KALRN: variants seen among roughly 807,000 people sequenced by gnomAD.
KALRN encodes the protein kalirin.
KALRN carries 70 observed loss-of-function variants against 353.7 expected under a neutral mutation model. The ratio of observed to expected loss-of-function variants is 0.20; its 90% CI spans 0.16 to 0.24. The LOEUF (loss-of-function observed/expected upper bound fraction) is 0.24, where lower values mean the gene tolerates loss of function less well. Among genes scored for constraint, KALRN ranks in the 10% least tolerant of loss-of-function variants. KALRN has a pLI of 1.00. For synonymous variants in KALRN, 1,391 were observed against 1,434.8 expected, an observed-to-expected ratio of 0.97 and a Z score of 0.69; for missense variants, 2,791 against 3,756.7, an observed-to-expected ratio of 0.74 and a Z score of 6.72.
chr3:124,268,887 C>T lies in KALRN; in HGVS notation c.601C>T (p.His201Tyr). 2 of 1,614,148 alleles carry T rather than the reference C, an allele frequency of 1.2e-6. No homozygotes were observed. Among genetic ancestry groups the T allele is most frequent in the Non-Finnish European group, 8.5e-7 (1 of 1,180,016 alleles). ...GGAGGAGTTCTTCAACAGCGCCGTGCACCTGCTCTCGCGCCTCGAGGACCT... is the reference window on the plus strand; with the variant it reads ...GGAGGAGTTCTTCAACAGCGCCGTGTACCTGCTCTCGCGCCTCGAGGACCT... Reference protein sequence around the residue: ...SLEEFFNSAVHLLSRLEDLQE... With the variant: ...SLEEFFNSAVYLLSRLEDLQE... Residue 201 changes from histidine (H) to tyrosine (Y), a missense_variant, in exon 5 of 60, where the codon CAC (histidine) becomes TAC (tyrosine). This residue lies in a region of KALRN where 366 missense variants were observed against 489.2 expected (regional missense o/e 0.75). Coordinates refer to ENST00000682506, the MANE Select transcript of KALRN (RefSeq NM_001388419.1).
chr3:124,585,196 C>T (rs1016197212), intron 34 of KALRN, among the ~76,000 whole-genome samples: 30 of 152,172 alleles, frequency 2.0e-4, no homozygotes, highest in Admixed American at 3.3e-4. Context: ...CGCCAGCCTG[C>T]TAGGGAGTGG....
intron 10 of KALRN, among the ~76,000 whole-genome samples, chr3:124,369,332 A>G (rs1407466486): frequency 6.6e-6 from 1 of 152,160 alleles, no homozygotes; most frequent in Non-Finnish European, 1.5e-5. Flanking sequence ...AGTCTTGTTT[A>G]TTGTAATAAC....
intron 21 of KALRN, among the ~76,000 whole-genome samples, chr3:124,453,241 G>A (rs562082102): frequency 9.2e-5 from 14 of 151,876 alleles, no homozygotes; most frequent in South Asian, 2.1e-4. Context: ...GAGATGTTTC[G>A]GCTATCCTCA....
intron 1 of KALRN, among the ~76,000 whole-genome samples, chr3:124,132,078 A>G (rs1389413399): frequency 6.6e-6 from 1 of 152,204 alleles, no homozygotes; most frequent in Non-Finnish European, 1.5e-5. Flanking sequence ...TTAAGAAGAC[A>G]ACTCAGCTGC....
intron 45 of KALRN, among the ~76,000 whole-genome samples, chr3:124,665,537 T>C (rs1035394339): frequency 2.6e-5 from 4 of 152,360 alleles, no homozygotes; most frequent in African/African-American, 7.2e-5. Flanking sequence ...CAGTTTTGGC[T>C]CACCACAACC....
intron 10 of KALRN, among the ~76,000 whole-genome samples, chr3:124,380,445 G>C (rs541993159): frequency 1.3e-4 from 20 of 152,362 alleles, no homozygotes; most frequent in Non-Finnish European, 2.6e-4. Context: ...GTAGCCATCA[G>C]TGTGGCCCAT....
intron 44 of KALRN, among the ~76,000 whole-genome samples, chr3:124,661,624 A>G (rs917611754): frequency 7.9e-5 from 12 of 152,170 alleles, no homozygotes; most frequent in African/African-American, 2.9e-4. Flanking sequence ...ATATTCCCCC[A>G]ACATATGCTC....
chr3:124,410,158 A>T, intron 13 of KALRN: 1 of 522,518 alleles, frequency 1.9e-6, no homozygotes, highest in South Asian at 1.5e-5. Context: ...GACCTCTGAG[A>T]TCACTCTCTC....
intron 51 of KALRN, among the ~76,000 whole-genome samples, chr3:124,686,866 G>T (rs866396859): frequency 1.9e-4 from 25 of 132,434 alleles, no homozygotes; most frequent in African/African-American, 6.4e-4. Context: ...CCAGGCTAGA[G>T]TGCAGTGGCA....
chr3:124,551,204 A>T (rs565796232), intron 33 of KALRN, among the ~76,000 whole-genome samples: 16 of 152,280 alleles, frequency 1.1e-4, no homozygotes, highest in African/African-American at 3.6e-4. Flanking sequence ...ACCAACCAAC[A>T]ATAGCAGATG....
chr3:124,071,170 G>T (rs2060001973), intron 1 of KALRN, among the ~76,000 whole-genome samples: 1 of 152,098 alleles, frequency 6.6e-6, no homozygotes, highest in Non-Finnish European at 1.5e-5. Context: ...AGGTGTGCTG[G>T]GATGCTTGGT....
At chr3:124,702,180 AC>A (rs2062372611) in intron 57 of KALRN, 64 bp downstream of exon 57, 4 of 996,928 alleles carry the variant, frequency 4.0e-6, no homozygotes, top group Non-Finnish European at 4.6e-6. Flanking sequence ...CAGAACAGTA[AC>A]TTTTTGTTGT....
At chr3:124,537,289 G>C (rs994743786) in intron 33 of KALRN, among the ~76,000 whole-genome samples, 1 of 152,148 alleles carries the variant, frequency 6.6e-6, no homozygotes, top group African/African-American at 2.4e-5. Flanking sequence ...TGATCCTCCT[G>C]CCTTGGCCTC....
intron 33 of KALRN, among the ~76,000 whole-genome samples, chr3:124,501,284 C>T (rs1233891653): frequency 3.3e-5 from 5 of 152,286 alleles, no homozygotes. Context: ...TGAAGAGGAA[C>T]TTCAGTAACA....
At chr3:124,686,773 C>T (rs1032643388) in intron 51 of KALRN, among the ~76,000 whole-genome samples, 4 of 147,384 alleles carry the variant, frequency 2.7e-5, no homozygotes, top group Non-Finnish European at 5.9e-5. Flanking sequence ...GGAAGGTAAC[C>T]AGCATCTATG....
intron 25 of KALRN, among the ~76,000 whole-genome samples, chr3:124,470,240 T>A (rs2060750684): frequency 6.6e-6 from 1 of 152,180 alleles, no homozygotes; most frequent in Admixed American, 6.5e-5. Flanking sequence ...CATGTAATTA[T>A]TGGAGTAGTG....
chr3:124,228,247 G>C (rs2078791300), intron 2 of KALRN, among the ~76,000 whole-genome samples, 183 bp downstream of exon 2: 1 of 152,154 alleles, frequency 6.6e-6, no homozygotes, highest in South Asian at 2.1e-4. Context: ...GGCCCCAGCT[G>C]AGTGTTCTAA....
At chr3:124,642,806 G>GTTTTTTTTTTTT (rs71145471) in intron 37 of KALRN, among the ~76,000 whole-genome samples, 2 of 96,840 alleles carry the variant, frequency 2.1e-5, no homozygotes, top group African/African-American at 4.5e-5. Flanking sequence ...CCCAAGCCTC[G>GTTTTTTTTTTTT]TTTTTTTTTT....
intron 3 of KALRN, among the ~76,000 whole-genome samples, chr3:124,243,160 G>A (rs573909484): frequency 6.6e-6 from 1 of 152,262 alleles, no homozygotes; most frequent in African/African-American, 2.4e-5. Context: ...TACAATTCTG[G>A]AATTAGTGCT....
Sources: gnomAD v4.1 joint callset for allele counts (sites outside exome capture counted in the v4.1 genomes callset) on GRCh38, gnomAD v4.1.1 for gene constraint, gnomAD v4.1.1 regional missense constraint, MANE v1.5 for transcripts, NCBI Gene and HGNC (gene_info 2026-07-23, HGNC 2026-07-21) for gene names.